The following CSNK2A1 variants were observed in gnomAD, a reference collection of about 807,000 sequenced individuals.
The protein encoded by CSNK2A1 is casein kinase 2 alpha 1.
CSNK2A1 carries 10 observed loss-of-function variants against 62.9 expected under a neutral mutation model. That is an observed-to-expected ratio of 0.16 (90% CI 0.10 to 0.27). The LOEUF (loss-of-function observed/expected upper bound fraction) is 0.27, where lower values mean the gene tolerates loss of function less well. Among genes scored for constraint, CSNK2A1 ranks in the 10% least tolerant of loss-of-function variants. The pLI, the probability that CSNK2A1 is intolerant of heterozygous loss-of-function variation, is 1.00. For synonymous variants in CSNK2A1, 124 were observed against 167.8 expected, an observed-to-expected ratio of 0.74 and a Z score of 2.02; for missense variants, 160 against 492.0, an observed-to-expected ratio of 0.33 and a Z score of 6.38.
In CSNK2A1 at chr20:499,671, G is replaced by T; in HGVS notation, c.315+162C>A. On this transcript the variant is annotated intron_variant, in intron 5 of 13. Transcript: ENST00000217244. The surrounding 1 kb of genome is among the most constrained non-coding windows in gnomAD (Gnocchi z 4.2). Reference sequence around the variant, plus strand: ...ATAGTCTGTGGGTGGAGGTCTCTTTGAAAGAAAGACCCAAGCTAGTTAAAT... The same window carrying T: ...ATAGTCTGTGGGTGGAGGTCTCTTTTAAAGAAAGACCCAAGCTAGTTAAAT... 1 of 674,476 alleles carries T rather than the reference G, an allele frequency of 1.5e-6. No individual in the cohort carries two copies. The highest frequency in any genetic ancestry group is 2.6e-6 in the Non-Finnish European group (1 of 384,768). The allele number at this position is 674,476 out of a possible 1,614,324, so 41.8% of individuals were successfully genotyped here. A position where few individuals can be genotyped will look rare whatever the true frequency, so the allele number is the denominator to read the frequency against.
chr20:505,264 A>C lies in CSNK2A1; in HGVS notation c.102-35T>G, dbSNP rs1207186484. On this transcript the variant is annotated intron_variant, in intron 3 of 13. Coordinates refer to ENST00000217244, the MANE Select transcript of CSNK2A1 (RefSeq NM_177559.3). The stretch of plus-strand genomic sequence containing the variant: ...CAAACAAAATGACTTATAAACGGTC[A>C]AATTATCAGCATCAATTCAAATTAC... 3 of 1,511,624 alleles carry C rather than the reference A, an allele frequency of 2.0e-6. No homozygotes were observed. The East Asian group carries it at 6.8e-5, about 34-fold the overall frequency. The allele number at this position is 1,511,624 out of a possible 1,614,324, so 93.6% of individuals were successfully genotyped here.
intron 1 of CSNK2A1, chr20:541,056 AG>A (rs1351470263): frequency 6.6e-6 from 1 of 152,178 alleles, no homozygotes; most frequent in African/African-American, 2.4e-5. Flanking sequence ...TTGCCACTAG[AG>A]GCTGCCCACA....
chr20:524,858 G>A (rs2019043235), intron 2 of CSNK2A1, among the ~76,000 whole-genome samples: 1 of 152,024 alleles, frequency 6.6e-6, no homozygotes, highest in Admixed American at 6.6e-5. Flanking sequence ...GCACAGCTCA[G>A]GGGTCCCTGC....
chr20:507,373 C>T lies in CSNK2A1; in HGVS notation c.101+1078G>A, dbSNP rs185071640. ...ACAGGTTACAGAAATCACATGCAGT[C>T]AGATATAAAATACAGCATACAGGAG... On this transcript the variant is annotated intron_variant, in intron 3 of 13. Coordinates refer to ENST00000217244, the MANE Select transcript of CSNK2A1 (RefSeq NM_177559.3). The T allele has an allele frequency of 1.5e-3, 232 of 152,336 alleles. 3 individuals carry two copies. The highest frequency in any genetic ancestry group is 5.4e-3 in the African/African-American group (224 of 41,580). 9.4% of individuals were successfully genotyped at this position (152,336 alleles called of 1,614,324 possible).
At position 479,947 on chromosome 20, in the gene CSNK2A1, T is replaced by C. The variant is rs1462518486; in HGVS notation, c.*4014A>G. ...CAAATATTCCAAAAATCCAAAAAAA[T>C]TCAAAACACTTCTGGTCCCAACCAT... On this transcript the variant is annotated 3_prime_UTR_variant, in exon 14 of 14. Coordinates refer to ENST00000217244, the MANE Select transcript of CSNK2A1 (RefSeq NM_177559.3). 3.3e-5 allele frequency: 5 copies of C among 152,116 alleles called. No individual in the cohort carries two copies. Among genetic ancestry groups the C allele is most frequent in the African/African-American group, 1.2e-4 (5 of 41,420 alleles). 9.4% of individuals were successfully genotyped at this position (152,116 alleles called of 1,614,324 possible).
intron 2 of CSNK2A1, among the ~76,000 whole-genome samples, chr20:510,862 G>A (rs892213598): frequency 7.9e-5 from 12 of 151,866 alleles, no homozygotes; most frequent in African/African-American, 2.2e-4. Context: ...GACCACAGGC[G>A]TGGGCTACCA....
intron 1 of CSNK2A1, among the ~76,000 whole-genome samples, chr20:535,052 A>T (rs1568569626): frequency 6.7e-6 from 1 of 150,266 alleles, no homozygotes; most frequent in Non-Finnish European, 1.5e-5. Context: ...AAAAAAAAAA[A>T]AAAAAAAAAA....
At chr20:522,193 A>G (rs1810743373) in intron 2 of CSNK2A1, among the ~76,000 whole-genome samples, 1 of 152,226 alleles carries the variant, frequency 6.6e-6, no homozygotes, top group South Asian at 2.1e-4. Flanking sequence ...GAAATAAGTA[A>G]GCATGGAAAG....
intron 2 of CSNK2A1, among the ~76,000 whole-genome samples, chr20:512,921 A>C (rs2122584574): frequency 6.6e-6 from 1 of 152,250 alleles, no homozygotes; most frequent in South Asian, 2.1e-4. Flanking sequence ...TTTTCTTGTA[A>C]TTTTTCTTCT....
At chr20:537,270 C>A (rs1413006037) in intron 1 of CSNK2A1, among the ~76,000 whole-genome samples, 1 of 152,126 alleles carries the variant, frequency 6.6e-6, no homozygotes, top group African/African-American at 2.4e-5. Context: ...AAAACTGTCA[C>A]CTCAGATAAC....
chr20:497,820 C>T, intron 6 of CSNK2A1, 40 bp from the exon 7 acceptor site: 2 of 1,579,002 alleles, frequency 1.3e-6, no homozygotes, highest in Admixed American at 1.7e-5. Context: ...ATAATGCTGA[C>T]AGAAAGGCAT....
At chr20:495,521 T>C in intron 8 of CSNK2A1, 198 bp downstream of exon 8, 1 of 510,578 alleles carries the variant, frequency 2.0e-6, no homozygotes. Context: ...TACTCATGTT[T>C]CCTTCTTGGG....
intron 2 of CSNK2A1, among the ~76,000 whole-genome samples, chr20:511,378 C>T (rs2018715677): frequency 6.6e-6 from 1 of 152,092 alleles, no homozygotes; most frequent in Non-Finnish European, 1.5e-5. Flanking sequence ...ACATTTAAAC[C>T]TAAAGCTCAG....
chr20:489,281 A>G (rs1298878124), intron 10 of CSNK2A1: 1 of 171,750 alleles, frequency 5.8e-6, no homozygotes, highest in Non-Finnish European at 1.2e-5. Flanking sequence ...GTATTCTTTG[A>G]CTCATTAAAA....
chr20:529,310 G>A (rs2019163372), intron 1 of CSNK2A1, among the ~76,000 whole-genome samples: 1 of 152,012 alleles, frequency 6.6e-6, no homozygotes, highest in Non-Finnish European at 1.5e-5. Flanking sequence ...ACAGGCATGA[G>A]CCATTGCACC....
rs1159414602 is a variant in CSNK2A1, at chr20:535,380, A to G, written c.-226-7331T>C. On this transcript the variant is annotated intron_variant, in intron 1 of 13. Transcript: ENST00000217244. ...TGCTTGAATACTTAATTGCTAGGCA[A>G]TAGTCTATTTTCATTTTTTCACAAA... 3.3e-5 allele frequency among the ~76,000 whole-genome samples: 5 copies of G among 152,228 alleles called. No individual in the cohort carries two copies. In the East Asian group the frequency reaches 5.8e-4, roughly 18 times the overall value.
At chr20:517,083 AC>A (rs2018843265) in intron 2 of CSNK2A1, among the ~76,000 whole-genome samples, 1 of 152,250 alleles carries the variant, frequency 6.6e-6, no homozygotes, top group Non-Finnish European at 1.5e-5. Flanking sequence ...CAATCAGGCA[AC>A]ATAAACTGGT....
Position 499,141 on chromosome 20 carries a change from G to T in CSNK2A1, c.366+114C>A. Reference sequence around the variant, plus strand: ...TTCTATCTTAAAATTTGCACTGTAAGGATGAAAAGCTTTTTAAAAACAAAT... The same window carrying T: ...TTCTATCTTAAAATTTGCACTGTAATGATGAAAAGCTTTTTAAAAACAAAT... On this transcript the variant is annotated intron_variant, in intron 6 of 13. Transcript: ENST00000217244. This position sits in a 1 kb window ranked among gnomAD's most constrained non-coding sequence, Gnocchi z 4.2. 1.2e-6 allele frequency: 1 copy of T among 859,800 alleles called. No homozygotes were observed. Among genetic ancestry groups the T allele is most frequent in the Non-Finnish European group, 1.7e-6 (1 of 597,140 alleles). 53.3% of individuals were successfully genotyped at this position (859,800 alleles called of 1,614,324 possible). A position where few individuals can be genotyped will look rare whatever the true frequency, so the allele number is the denominator to read the frequency against.
At position 487,445 on chromosome 20, in the gene CSNK2A1, T is replaced by C. The variant is rs1056954; in HGVS notation, c.955A>G (p.Met319Val). 7 of 1,613,950 alleles carry C rather than the reference T, an allele frequency of 4.3e-6. No individual in the cohort carries two copies. The highest frequency in any genetic ancestry group is 1.7e-5 in the Admixed American group (1 of 60,006). Residue 319 changes from methionine (M) to valine (V), a missense_variant, in exon 12 of 14, where the codon ATG (methionine) becomes GTG (valine). Met to Val is a conservative substitution (Grantham distance 21). Around this residue, in one of 3 missense-constraint regions of CSNK2A1, gnomAD observed 51 missense variants for 108.8 expected, o/e 0.47. Transcript: ENST00000217244. The part of the protein sequence containing the change: ...HQSRLTAREA[M>V]EHPYFYTVVK... ...GACTCACAGAAATAGGGGTGCTCCA[T>C]TGCCTCTCTTGCAGTAAGCCGTGAC...
Sources: gnomAD v4.1 joint callset for allele counts (sites outside exome capture counted in the v4.1 genomes callset) on GRCh38, gnomAD v4.1.1 for gene constraint, gnomAD v4.1.1 regional missense constraint, Gnocchi (gnomAD v3.1) non-coding constraint, MANE v1.5 for transcripts, NCBI Gene and HGNC (gene_info 2026-07-23, HGNC 2026-07-21) for gene names.